The following RHOH variants were observed in gnomAD, a reference collection of about 807,000 sequenced individuals.
RHOH encodes rho-related GTP-binding protein RhoH.
Under a neutral mutation model 13.8 loss-of-function variants are expected in RHOH, and 6 were observed. That is an observed-to-expected ratio of 0.44 (90% CI 0.24 to 0.86). The LOEUF is 0.86. Ranked by LOEUF, RHOH falls within the 40% of genes least tolerant of loss-of-function variation. The pLI is 0.24. For missense variants in RHOH, 147 were observed against 244.5 expected (o/e 0.60, Z 2.66); for synonymous variants, 117 against 103.0 (o/e 1.14, Z -0.82).
At chr4:40,203,263 C>T (rs375143867) in intron 1 of RHOH, among the ~76,000 whole-genome samples, 122 of 152,324 alleles carry the variant, frequency 8.0e-4, no homozygotes, top group African/African-American at 2.9e-3. Context: ...TGAGCCACCG[C>T]GCCCGGCCAG....
At chr4:40,199,875 T>A (rs1441485371) in intron 1 of RHOH, among the ~76,000 whole-genome samples, 3 of 151,860 alleles carry the variant, frequency 2.0e-5, no homozygotes, top group African/African-American at 7.2e-5. Flanking sequence ...GTTATAAATA[T>A]TTTTTTGGAT....
At chr4:40,227,067 G>A (rs1474175824) in intron 1 of RHOH, among the ~76,000 whole-genome samples, 4 of 152,124 alleles carry the variant, frequency 2.6e-5, no homozygotes, top group Non-Finnish European at 4.4e-5. Flanking sequence ...GCTGAGACAC[G>A]AGAATCACTT....
chr4:40,244,285 A>G lies in RHOH; in HGVS notation c.*323A>G, dbSNP rs1465725464. The G allele has an allele frequency of 3.5e-6, 1 of 287,364 alleles. No homozygotes were observed. The highest frequency in any genetic ancestry group is 6.9e-6 in the Non-Finnish European group (1 of 145,182). 17.8% of individuals were successfully genotyped at this position (287,364 alleles called of 1,614,324 possible). On this transcript the variant is annotated 3_prime_UTR_variant, in exon 3 of 3. Transcript: ENST00000381799. ...CAAAGAATTCCATATTTAAAGACAC[A>G]TTTTATTTAACTAATAACAAAATGT... is the stretch of plus-strand genomic sequence containing the variant.
chr4:40,229,045 T>A (rs189313775), intron 1 of RHOH, among the ~76,000 whole-genome samples: 3 of 152,292 alleles, frequency 2.0e-5, no homozygotes, highest in Admixed American at 2.0e-4. Context: ...GTTCTAGAGA[T>A]GGCCCTTACT....
intron 1 of RHOH, among the ~76,000 whole-genome samples, chr4:40,217,297 A>C (rs1261434207): frequency 6.6e-6 from 1 of 152,124 alleles, no homozygotes; most frequent in African/African-American, 2.4e-5. Flanking sequence ...ACACTAGCAA[A>C]TGTTACCTCT....
At chr4:40,214,691 G>C (rs1427013423) in intron 1 of RHOH, among the ~76,000 whole-genome samples, 1 of 152,212 alleles carries the variant, frequency 6.6e-6, no homozygotes, top group East Asian at 1.9e-4. Flanking sequence ...ATCATATTCT[G>C]GCAGTGCCCA....
intron 1 of RHOH, among the ~76,000 whole-genome samples, chr4:40,230,498 T>A (rs1579312106): frequency 6.6e-6 from 1 of 151,320 alleles, no homozygotes; most frequent in Non-Finnish European, 1.5e-5. Context: ...GCCCAGCTAA[T>A]TTTTTTTGTC....
rs983530248 is a variant in RHOH at position 40,246,853 on chromosome 4, T to A, written c.*2891T>A. On this transcript the variant is annotated 3_prime_UTR_variant, in exon 3 of 3. Coordinates refer to ENST00000381799, the MANE Select transcript of RHOH (RefSeq NM_004310.5). ...TGCCTGCCTAGATGCAGACACAGGTTTCTTATACTTCAAAATTTGTGGTAC... is the reference window on the plus strand; with the variant it reads ...TGCCTGCCTAGATGCAGACACAGGTATCTTATACTTCAAAATTTGTGGTAC... The A allele has an allele frequency of 1.3e-5, 2 of 152,196 alleles. No individual in the cohort carries two copies. The allele number at this position is 152,196 out of a possible 1,614,324, so 9.4% of individuals were successfully genotyped here.
At chr4:40,233,765 G>A (rs1467193121) in intron 1 of RHOH, among the ~76,000 whole-genome samples, 1 of 151,714 alleles carries the variant, frequency 6.6e-6, no homozygotes, top group Non-Finnish European at 1.5e-5. Flanking sequence ...TTCCTCCTTT[G>A]GATTTTTTTC....
rs950878145 is a variant in RHOH at position 40,243,686 on chromosome 4, T to C, written c.300T>C (p.Gly100=). The change falls in exon 3 of 3, where the codon GGT becomes GGC. Residue 100 remains glycine, a synonymous_variant. Coordinates refer to ENST00000381799, the MANE Select transcript of RHOH (RefSeq NM_004310.5). This position sits in a 1 kb window ranked among gnomAD's most constrained non-coding sequence, Gnocchi z 6.2. The part of the protein sequence containing the change: ...SFLNLKNKWI[G]EIRSNLPCTP... Reference sequence around the variant, plus strand: ...TGAACTTGAAGAACAAGTGGATTGGTGAAATTAGGAGCAACTTGCCCTGTA... The same window carrying C: ...TGAACTTGAAGAACAAGTGGATTGGCGAAATTAGGAGCAACTTGCCCTGTA... 6.2e-7 allele frequency: 1 copy of C among 1,613,856 alleles called. No homozygotes were observed. The highest frequency in any genetic ancestry group is 2.2e-5 in the East Asian group (1 of 44,864).
In RHOH at chr4:40,244,005, G is replaced by A. The variant is rs1211016043; in HGVS notation, c.*43G>A. On this transcript the variant is annotated 3_prime_UTR_variant, in exon 3 of 3. Transcript: ENST00000381799. ...ACAACACTTATGTATGCACCCCAAAGACTAATGGGGAGAGGGAGGGCCGGG... is the reference window on the plus strand; with the variant it reads ...ACAACACTTATGTATGCACCCCAAAAACTAATGGGGAGAGGGAGGGCCGGG... The A allele has an allele frequency of 6.8e-7, 1 of 1,481,138 alleles. No homozygotes were observed. Among genetic ancestry groups the A allele is most frequent in the Middle Eastern group, 1.8e-4 (1 of 5,644 alleles). 91.7% of individuals were successfully genotyped at this position (1,481,138 alleles called of 1,614,324 possible). A position where few individuals can be genotyped will look rare whatever the true frequency, so the allele number is the denominator to read the frequency against.
chr4:40,246,049 G>A lies in RHOH; in HGVS notation c.*2087G>A, dbSNP rs755789228. The stretch of plus-strand genomic sequence containing the variant: ...CCGTGTCTCTAGTTCTCAGCTCAGG[G>A]TTGGGGGGCTTGAAAGATGACCGGG... On this transcript the variant is annotated 3_prime_UTR_variant, in exon 3 of 3. Coordinates refer to ENST00000381799, the MANE Select transcript of RHOH (RefSeq NM_004310.5). 2.6e-5 allele frequency: 4 copies of A among 152,208 alleles called. No individual in the cohort carries two copies. Among genetic ancestry groups the A allele is most frequent in the Non-Finnish European group, 5.9e-5 (4 of 68,090 alleles). The allele number at this position is 152,208 out of a possible 1,614,324, so 9.4% of individuals were successfully genotyped here. A position where few individuals can be genotyped will look rare whatever the true frequency, so the allele number is the denominator to read the frequency against.
At chr4:40,223,767 G>GTTTTTTTTTTTTTTTTTTTTTTTTTTTT (rs56144023) in intron 1 of RHOH, among the ~76,000 whole-genome samples, 1 of 83,932 alleles carries the variant, frequency 1.2e-5, no homozygotes, top group Non-Finnish European at 2.2e-5. Context: ...AACATAACTT[G>GTTTTTTTTTTTTTTTTTTTTTTTTTTTT]TTTTTTTTTT....
intron 1 of RHOH, among the ~76,000 whole-genome samples, chr4:40,227,034 CT>C (rs1281951057): frequency 2.6e-5 from 4 of 152,084 alleles, no homozygotes; most frequent in Non-Finnish European, 5.9e-5. Flanking sequence ...TGGTGCATGC[CT>C]GTAATTCCAG....
rs138246050 is a variant in RHOH, at chr4:40,227,625, C to T, written c.-330-15089C>T. 8.9e-3 allele frequency among the ~76,000 whole-genome samples: 1,356 copies of T among 152,190 alleles called. 13 individuals carry two copies. The highest frequency in any genetic ancestry group is 0.03 in the African/African-American group (1,233 of 41,498). On this transcript the variant is annotated intron_variant, in intron 1 of 2. Coordinates refer to ENST00000381799, the MANE Select transcript of RHOH (RefSeq NM_004310.5). ...TCAGTGAAGGGGGAGTACCAGGAAT[C>T]TGGGGAATTCCCAGAATACCTGGGC...
chr4:40,221,434 C>T (rs1281067434), intron 1 of RHOH, among the ~76,000 whole-genome samples: 1 of 152,194 alleles, frequency 6.6e-6, no homozygotes, highest in Admixed American at 6.5e-5. Context: ...ATTTTCCCAA[C>T]AGCGTATGCT....
At chr4:40,210,771 G>A (rs1022465462) in intron 1 of RHOH, among the ~76,000 whole-genome samples, 1 of 152,046 alleles carries the variant, frequency 6.6e-6, no homozygotes, top group East Asian at 1.9e-4. Flanking sequence ...GAAAAGGCAG[G>A]AAAAATATCC....
At chr4:40,200,766 A>T (rs1014056704) in intron 1 of RHOH, among the ~76,000 whole-genome samples, 3 of 152,214 alleles carry the variant, frequency 2.0e-5, no homozygotes, top group Non-Finnish European at 4.4e-5. Flanking sequence ...GGTGCCGCTC[A>T]TTTAAAAACC....
At chr4:40,228,304 A>G (rs115047137) in intron 1 of RHOH, among the ~76,000 whole-genome samples, 46 of 152,290 alleles carry the variant, frequency 3.0e-4, no homozygotes, top group Non-Finnish European at 5.4e-4. Context: ...AATATTTTAC[A>G]GCTTTTGGTT....
Sources: allele counts gnomAD v4.1 joint callset (sites outside exome capture counted in the v4.1 genomes callset), GRCh38; gene constraint gnomAD v4.1.1; non-coding constraint Gnocchi (gnomAD v3.1); transcripts MANE v1.5; gene names NCBI Gene and HGNC (gene_info 2026-07-23, HGNC 2026-07-21).